P2RY8: variants seen among roughly 807,000 people sequenced by gnomAD.
P2RY8 encodes the protein S-geranylgeranyl-glutathione receptor P2RY8.
A neutral mutation model predicts 10.0 loss-of-function variants in P2RY8; 6 were observed. The ratio of observed to expected loss-of-function variants is 0.60; its 90% CI spans 0.33 to 1.19. The LOEUF is 1.19. Ranked by LOEUF, P2RY8 falls within the 50% of genes most tolerant of loss-of-function variation. The probability of loss-of-function intolerance (pLI) is 0.04; values close to 1 mark genes in which losing one functional copy is unlikely to be tolerated. For synonymous variants in P2RY8, 276 were observed against 252.5 expected, an observed-to-expected ratio of 1.09 and a Z score of -0.88; for missense variants, 456 against 542.0, an observed-to-expected ratio of 0.84 and a Z score of 1.58.
At chrX:1,518,622 AT>A (rs2092369029) in intron 1 of P2RY8, among the ~76,000 whole-genome samples, 1 of 151,472 alleles carries the variant, frequency 6.6e-6, no homozygotes. Context: ...GATCCTCAAT[AT>A]CCTTGCTGGG....
intron 1 of P2RY8, among the ~76,000 whole-genome samples, chrX:1,507,918 C>T (rs1447973425): frequency 6.6e-6 from 1 of 152,174 alleles, no homozygotes; most frequent in African/African-American, 2.4e-5. Context: ...TGGCACTCAA[C>T]ACACACCCCA....
chrX:1,473,224 G>C (rs2091817963), intron 1 of P2RY8, among the ~76,000 whole-genome samples: 1 of 84,824 alleles, frequency 1.2e-5, no homozygotes, highest in East Asian at 3.2e-4. Flanking sequence ...TAGGTAGATG[G>C]ATAGATGAGT....
chrX:1,521,154 C>T (rs1370188805), intron 1 of P2RY8, among the ~76,000 whole-genome samples: 1 of 150,202 alleles, frequency 6.7e-6, no homozygotes, highest in East Asian at 1.9e-4. Context: ...CCTGCCTTAG[C>T]CTCCTGAGTA....
At position 1,518,311 on chromosome X, in the gene P2RY8, AGCTACTCGGGAG is replaced by A. The variant is rs2092365942; in HGVS notation, c.-25+18598_-25+18609del. Among the ~76,000 whole-genome samples, 3 of 150,272 alleles carry A rather than the reference AGCTACTCGGGAG, an allele frequency of 2.0e-5. No individual in the cohort carries two copies. In the South Asian group the frequency reaches 6.2e-4, roughly 31 times the overall value. On this transcript the variant is annotated intron_variant, in intron 1 of 1. Coordinates refer to ENST00000381297, the MANE Select transcript of P2RY8 (RefSeq NM_178129.5). ...CATGGTGGCAGGTGCCTGCAATCCCAGCTACTCGGGAGGCTGAGGCAGGAGAATGGCGTGAAC... is the reference window on the plus strand; with the variant it reads ...CATGGTGGCAGGTGCCTGCAATCCCAGCTGAGGCAGGAGAATGGCGTGAAC...
chrX:1,473,483 G>A (rs1412259994), intron 1 of P2RY8, among the ~76,000 whole-genome samples: 1 of 149,486 alleles, frequency 6.7e-6, no homozygotes, highest in African/African-American at 2.5e-5. Flanking sequence ...ATGTATGGAT[G>A]AGTAGGTGGA....
At chrX:1,508,688 TC>T (rs2092257283) in intron 1 of P2RY8, among the ~76,000 whole-genome samples, 1 of 87,068 alleles carries the variant, frequency 1.1e-5, no homozygotes, top group African/African-American at 4.3e-5. Flanking sequence ...CCATCATCCA[TC>T]CATCCATCCA....
chrX:1,478,848 G>A (rs1264788210), intron 1 of P2RY8, among the ~76,000 whole-genome samples: 1 of 152,032 alleles, frequency 6.6e-6, no homozygotes, highest in Non-Finnish European at 1.5e-5. Flanking sequence ...TGGGCTCATG[G>A]TGCAAAGACT....
chrX:1,488,126 A>C (rs2092004641), intron 1 of P2RY8, among the ~76,000 whole-genome samples: 1 of 150,544 alleles, frequency 6.6e-6, no homozygotes, highest in Non-Finnish European at 1.5e-5. Flanking sequence ...AAAAAAGAAG[A>C]AGAAGAGAAG....
intron 1 of P2RY8, among the ~76,000 whole-genome samples, chrX:1,497,381 G>A (rs2092127846): frequency 4.6e-5 from 7 of 151,462 alleles, no homozygotes; most frequent in Admixed American, 4.6e-4. Context: ...GTGTAGGCCG[G>A]GCACGGTGGC....
In P2RY8 at chrX:1,465,985, C is replaced by T. The variant is rs772112316; in HGVS notation, c.574G>A (p.Val192Met). ...AGGATGAAGATGGTGAAGAGGAACA[C>T]GGCCCACATGGCCACGCTGGGGAGC... ...TMLPSVAMWA[V>M]FLFTIFILLF... is the part of the protein sequence containing the mutation. Residue 192 changes from valine (V) to methionine (M), a missense_variant, in exon 2 of 2, where the codon GTG becomes ATG. Coordinates refer to ENST00000381297, the MANE Select transcript of P2RY8 (RefSeq NM_178129.5). 4.3e-6 allele frequency: 7 copies of T among 1,612,214 alleles called. No homozygotes were observed. The highest frequency in any genetic ancestry group is 3.8e-4 in the Middle Eastern group (2 of 5,256).
chrX:1,482,863 T>C (rs1226578093), intron 1 of P2RY8, among the ~76,000 whole-genome samples: 1 of 151,334 alleles, frequency 6.6e-6, no homozygotes, highest in Non-Finnish European at 1.5e-5. Flanking sequence ...AAACACTGCA[T>C]GTTCTCACTC....
At chrX:1,489,854 C>A (rs1286457775) in intron 1 of P2RY8, among the ~76,000 whole-genome samples, 7 of 45,860 alleles carry the variant, frequency 1.5e-4, no homozygotes, top group African/African-American at 5.9e-4. Context: ...TCCAGGGATT[C>A]TCCACAAATG....
chrX:1,505,721 C>A (rs1364120649), intron 1 of P2RY8, among the ~76,000 whole-genome samples: 1 of 151,988 alleles, frequency 6.6e-6, no homozygotes, highest in East Asian at 1.9e-4. Context: ...ACCAGGGAGG[C>A]GGAGGTTGCA....
intron 1 of P2RY8, among the ~76,000 whole-genome samples, chrX:1,534,354 C>G (rs758326019): frequency 1.3e-5 from 2 of 151,006 alleles, no homozygotes; most frequent in East Asian, 3.9e-4. Context: ...CACTAGGGAG[C>G]GACATTGTGA....
Position 1,499,650 on chromosome X carries a change from G to T in P2RY8, c.-24-33068C>A, listed in dbSNP as rs2092155032. ...GTCATTAGGTGAAACGTATTAATAAGGAAAAAAAAGAAATAAAAACAAAAC... is the reference window on the plus strand; with the variant it reads ...GTCATTAGGTGAAACGTATTAATAATGAAAAAAAAGAAATAAAAACAAAAC... On this transcript the variant is annotated intron_variant, in intron 1 of 1. Coordinates refer to ENST00000381297, the MANE Select transcript of P2RY8 (RefSeq NM_178129.5). 2.0e-5 allele frequency among the ~76,000 whole-genome samples: 3 copies of T among 150,946 alleles called. No homozygotes were observed. In the South Asian group the frequency reaches 6.3e-4, roughly 31 times the overall value.
At chrX:1,467,275 T>C (rs1239257282) in intron 1 of P2RY8, among the ~76,000 whole-genome samples, 1 of 152,186 alleles carries the variant, frequency 6.6e-6, no homozygotes, top group Admixed American at 6.5e-5. Context: ...GGCTCCTCCC[T>C]GCTCTTTCTT....
intron 1 of P2RY8, among the ~76,000 whole-genome samples, chrX:1,498,224 C>G (rs1164900123): frequency 2.4e-4 from 37 of 151,482 alleles, no homozygotes; most frequent in Non-Finnish European, 5.2e-4. Flanking sequence ...GGCCAACATG[C>G]TGAAACCCCG....
chrX:1,512,836 AATT>A lies in P2RY8; in HGVS notation c.-25+24082_-25+24084del, dbSNP rs367543446. The stretch of plus-strand genomic sequence containing the variant: ...CCTGGTCCTGCCCTTCACATGTGGA[AATT>A]ATTATTATTATTATTATTATTATTT... On this transcript the variant is annotated intron_variant, in intron 1 of 1. Transcript: ENST00000381297. 9.8e-4 allele frequency among the ~76,000 whole-genome samples: 148 copies of A among 150,662 alleles called. 1 individual carries two copies. The highest frequency in any genetic ancestry group is 8.8e-3 in the South Asian group (42 of 4,760).
intron 1 of P2RY8, among the ~76,000 whole-genome samples, chrX:1,486,545 C>T (rs1244286955): frequency 1.3e-5 from 2 of 152,164 alleles, no homozygotes; most frequent in African/African-American, 4.8e-5. Flanking sequence ...AGCAGATGAC[C>T]ATGGCTGGGA....
Sources: allele counts gnomAD v4.1 joint callset (sites outside exome capture counted in the v4.1 genomes callset), GRCh38; gene constraint gnomAD v4.1.1; transcripts MANE v1.5; gene names NCBI Gene and HGNC (gene_info 2026-07-23, HGNC 2026-07-21).